The following GPRASP3 variants were observed in gnomAD, a reference collection of about 807,000 sequenced individuals.
GPRASP3 encodes G protein-coupled receptor associated sorting protein family member 3.
chrX:102,738,185 G>A, the GPRASP3 span, among the ~76,000 whole-genome samples: 1 of 112,313 alleles, frequency 8.9e-6, no homozygotes, highest in Non-Finnish European at 1.9e-5. Context: ...CAAGGGGCAA[G>A]TCCTGTGGTA....
At chrX:102,740,059 A>C in the GPRASP3 span, among the ~76,000 whole-genome samples, 6 of 112,302 alleles carry the variant, frequency 5.3e-5, no homozygotes, top group Admixed American at 5.6e-4. Context: ...CATTTTTGGA[A>C]AAGAGCCAAT....
At chrX:102,749,675 C>A in the GPRASP3 span, 2 of 1,211,201 alleles carry the variant, frequency 1.7e-6, no homozygotes, top group Non-Finnish European at 2.2e-6. Context: ...CCTGCTGTAA[C>A]TCCAGCTGTG....
chrX:102,738,060 C>T, the GPRASP3 span, among the ~76,000 whole-genome samples: 1 of 111,615 alleles, frequency 9.0e-6, no homozygotes, highest in Non-Finnish European at 1.9e-5. Flanking sequence ...AATCTGAGGA[C>T]CTCCTGCACA....
chrX:102,740,309 C>A, the GPRASP3 span, among the ~76,000 whole-genome samples: 3 of 111,044 alleles, frequency 2.7e-5, no homozygotes, highest in Non-Finnish European at 5.7e-5. Context: ...AGAGAGAGAT[C>A]GATTGATTGA....
At chrX:102,724,718 G>T in the GPRASP3 span, among the ~76,000 whole-genome samples, 1 of 98,816 alleles carries the variant, frequency 1.0e-5, no homozygotes, top group East Asian at 3.2e-4. Context: ...CAGGGTGACT[G>T]GTGTGTGTGT....
chrX:102,742,724 G>A, the GPRASP3 span, among the ~76,000 whole-genome samples: 1 of 111,513 alleles, frequency 9.0e-6, no homozygotes, highest in South Asian at 3.8e-4. Flanking sequence ...ATTCGTGAAG[G>A]TCAGGGGCAC....
At chrX:102,749,912 G>A in the GPRASP3 span, 1 of 1,208,942 alleles carries the variant, frequency 8.3e-7, no homozygotes, top group Admixed American at 2.2e-5. Flanking sequence ...GAGGTAAATG[G>A]GATTAAGCCA....
At chrX:102,748,200 A>T in the GPRASP3 span, among the ~76,000 whole-genome samples, 1 of 112,227 alleles carries the variant, frequency 8.9e-6, no homozygotes, top group South Asian at 3.8e-4. Flanking sequence ...GGGTTTAGAG[A>T]TTAGAGTGTA....
the GPRASP3 span, among the ~76,000 whole-genome samples, chrX:102,726,998 T>C: frequency 4.4e-5 from 5 of 112,698 alleles, no homozygotes; most frequent in Non-Finnish European, 7.5e-5. Context: ...GTTCTGCTAC[T>C]GCAGATGTAG....
the GPRASP3 span, among the ~76,000 whole-genome samples, chrX:102,725,218 A>G: frequency 3.6e-5 from 4 of 112,231 alleles, no homozygotes; most frequent in Non-Finnish European, 7.5e-5. Flanking sequence ...CTTGTTCTCA[A>G]GTGCCTCACA....
the GPRASP3 span, among the ~76,000 whole-genome samples, chrX:102,730,408 G>A: frequency 8.9e-6 from 1 of 112,537 alleles, no homozygotes; most frequent in East Asian, 2.8e-4. Context: ...GGCCATGGAC[G>A]GGTCCAGGTC....
At chrX:102,733,407 C>T in the GPRASP3 span, among the ~76,000 whole-genome samples, 8 of 103,131 alleles carry the variant, frequency 7.8e-5, no homozygotes, top group African/African-American at 2.5e-4. Flanking sequence ...TGCAGTGAGC[C>T]GAGATCACAC....
the GPRASP3 span, among the ~76,000 whole-genome samples, chrX:102,723,598 A>C: frequency 1.8e-5 from 2 of 111,587 alleles, no homozygotes; most frequent in Non-Finnish European, 3.8e-5. Context: ...TATAATAGAG[A>C]ATATAGCTGA....
chrX:102,738,457 G>A, the GPRASP3 span, among the ~76,000 whole-genome samples: 3 of 111,488 alleles, frequency 2.7e-5, no homozygotes, highest in African/African-American at 9.8e-5. Context: ...GAATTAACTG[G>A]TCCTTACTGT....
the GPRASP3 span, among the ~76,000 whole-genome samples, chrX:102,738,206 A>G: frequency 1.8e-5 from 2 of 112,225 alleles, 1 homozygote; most frequent in South Asian, 7.5e-4. Flanking sequence ...TGGAGACACA[A>G]TTTCCCATCT....
At chrX:102,745,862 C>T in the GPRASP3 span, 1 of 111,635 alleles carries the variant, frequency 9.0e-6, no homozygotes, top group Admixed American at 9.4e-5. Context: ...TGGTGCCAAC[C>T]CGCAGGCCCA....
At chrX:102,724,058 T>A in the GPRASP3 span, among the ~76,000 whole-genome samples, 1,230 of 111,746 alleles carry the variant, frequency 0.011, 25 homozygotes, top group African/African-American at 0.038. Context: ...AGCACTTTTC[T>A]TGAGTTCTAC....
the GPRASP3 span, chrX:102,750,690 G>A: frequency 1.0e-6 from 1 of 1,003,696 alleles, no homozygotes; most frequent in Non-Finnish European, 1.3e-6. Context: ...CTAGCAGGCT[G>A]TACATTACAG....
At chrX:102,728,819 A>G in the GPRASP3 span, among the ~76,000 whole-genome samples, 29 of 110,856 alleles carry the variant, frequency 2.6e-4, no homozygotes, top group African/African-American at 7.6e-4. Flanking sequence ...AGAACTTGTA[A>G]GTCATTGCTC....
Sources: allele counts gnomAD v4.1 joint callset (sites outside exome capture counted in the v4.1 genomes callset), GRCh38; gene constraint gnomAD v4.1.1; transcripts MANE v1.5; gene names NCBI Gene and HGNC (gene_info 2026-07-23, HGNC 2026-07-21).